The following UPRT variants were observed in gnomAD, a reference collection of about 807,000 sequenced individuals.
The protein encoded by UPRT is RP11-311P8.3.
Under a neutral mutation model 22.6 loss-of-function variants are expected in UPRT, and 5 were observed. That is an observed-to-expected ratio of 0.22 (90% CI 0.12 to 0.47). UPRT has a LOEUF of 0.47. Ranked by LOEUF, UPRT falls within the 20% of genes least tolerant of loss-of-function variation. UPRT has a pLI of 0.99. For synonymous variants in UPRT, 77 were observed against 87.7 expected (o/e 0.88, Z 0.68); for missense variants, 181 against 239.9 (o/e 0.75, Z 1.62).
chrX:75,160,973 AC>A (rs1285209200), intron 2 of UPRT, among the ~76,000 whole-genome samples: 1 of 112,846 alleles, frequency 8.9e-6, no homozygotes, highest in East Asian at 2.8e-4. Context: ...TAAAGAAGAA[AC>A]AAACATATAT....
intron 4 of UPRT, among the ~76,000 whole-genome samples, chrX:75,180,681 GTTT>G (rs59522302): frequency 2.3e-5 from 1 of 43,905 alleles, no homozygotes; most frequent in Non-Finnish European, 3.8e-5. Context: ...CCTTTTCTCT[GTTT>G]TTTTTTTTTT....
intron 4 of UPRT, among the ~76,000 whole-genome samples, chrX:75,252,223 C>G (rs755448281): frequency 9.0e-6 from 1 of 111,711 alleles, no homozygotes; most frequent in Non-Finnish European, 1.9e-5. Context: ...GGATCTAATT[C>G]AACTAAAGAG....
intron 3 of UPRT, among the ~76,000 whole-genome samples, chrX:75,166,226 A>T (rs1379087684): frequency 8.9e-6 from 1 of 111,755 alleles, no homozygotes; most frequent in Admixed American, 9.5e-5. Flanking sequence ...TGATTTTTAA[A>T]CCCTGTTTTT....
At chrX:75,194,160 G>T (rs980569102) in intron 4 of UPRT, among the ~76,000 whole-genome samples, 3 of 111,516 alleles carry the variant, frequency 2.7e-5, no homozygotes, top group African/African-American at 9.8e-5. Context: ...TGATGTCCTT[G>T]GGAGTTTGGT....
chrX:75,158,572 C>A (rs1332780849), intron 1 of UPRT, among the ~76,000 whole-genome samples: 1 of 111,148 alleles, frequency 9.0e-6, no homozygotes, highest in East Asian at 2.8e-4. Context: ...GGATGGAGAC[C>A]AAACCTAGGT....
chrX:75,218,208 C>A (rs1321867342), intron 4 of UPRT, among the ~76,000 whole-genome samples: 2 of 110,518 alleles, frequency 1.8e-5, no homozygotes, highest in Non-Finnish European at 1.9e-5. Flanking sequence ...ACAAACAACC[C>A]CATCAAAAAG....
At chrX:75,248,608 G>A (rs928101912) in intron 4 of UPRT, among the ~76,000 whole-genome samples, 1 of 112,042 alleles carries the variant, frequency 8.9e-6, no homozygotes, top group Non-Finnish European at 1.9e-5. Flanking sequence ...GTGACGGGGA[G>A]AATGGAACCA....
intron 1 of UPRT, among the ~76,000 whole-genome samples, chrX:75,156,899 T>TCACACA (rs753344635): frequency 0.054 from 5,391 of 99,441 alleles, 138 homozygotes; most frequent in Middle Eastern, 0.09. Flanking sequence ...TGGGACAGTC[T>TCACACA]CACACACACA....
intron 4 of UPRT, among the ~76,000 whole-genome samples, chrX:75,200,726 C>T (rs1297035098): frequency 9.0e-6 from 1 of 110,927 alleles, no homozygotes; most frequent in African/African-American, 3.3e-5. Context: ...CTGAGGCGGG[C>T]GGATTGCCAG....
chrX:75,185,807 G>C (rs767978325), intron 4 of UPRT, among the ~76,000 whole-genome samples: 2 of 111,490 alleles, frequency 1.8e-5, no homozygotes, highest in Non-Finnish European at 3.8e-5. Flanking sequence ...GTTTATTTGC[G>C]TAGCGGTGTT....
chrX:75,180,899 C>T (rs1475973827), intron 4 of UPRT, among the ~76,000 whole-genome samples: 1 of 109,423 alleles, frequency 9.1e-6, no homozygotes, highest in Admixed American at 9.8e-5. Context: ...GCTTTTGTCA[C>T]AATTGCCTTT....
intron 4 of UPRT, among the ~76,000 whole-genome samples, chrX:75,204,996 C>A (rs1408392866): frequency 9.0e-6 from 1 of 110,765 alleles, no homozygotes; most frequent in African/African-American, 3.3e-5. Flanking sequence ...AGCCATAGAT[C>A]CTGGATTAAT....
intron 4 of UPRT, among the ~76,000 whole-genome samples, chrX:75,192,723 C>G (rs1285020020): frequency 8.9e-6 from 1 of 111,771 alleles, no homozygotes. Flanking sequence ...AATACCCTTC[C>G]TTGTCTTTTT....
At chrX:75,206,595 C>T (rs1006835846) in intron 4 of UPRT, among the ~76,000 whole-genome samples, 17 of 110,951 alleles carry the variant, frequency 1.5e-4, no homozygotes, top group Non-Finnish European at 2.8e-4. Flanking sequence ...CTTCCTGAAC[C>T]GTGCCAGCCT....
At chrX:75,232,228 C>T (rs776016584) in intron 4 of UPRT, among the ~76,000 whole-genome samples, 6 of 112,496 alleles carry the variant, frequency 5.3e-5, no homozygotes, top group South Asian at 7.4e-4. Context: ...TGCGCTTTTC[C>T]GATGGGCTTA....
At chrX:75,198,325 T>A (rs1228666332) in intron 4 of UPRT, among the ~76,000 whole-genome samples, 1 of 112,657 alleles carries the variant, frequency 8.9e-6, no homozygotes, top group Non-Finnish European at 1.9e-5. Context: ...TCTGGGGATA[T>A]GAAAATGTCA....
intron 1 of UPRT, among the ~76,000 whole-genome samples, chrX:75,277,917 A>T (rs985854105): frequency 9.0e-6 from 1 of 111,370 alleles, no homozygotes; most frequent in African/African-American, 3.3e-5. Context: ...AAAAATTGTC[A>T]TCCTCTCTCA....
intron 2 of UPRT, among the ~76,000 whole-genome samples, chrX:75,162,483 A>C (rs2147599661): frequency 9.1e-6 from 1 of 109,483 alleles, no homozygotes. Flanking sequence ...CAGTTTCAAG[A>C]TATTCTAAAA....
intron 4 of UPRT, among the ~76,000 whole-genome samples, chrX:75,180,695 G>GTTTTTTTTTTTTTTT (rs61040746): frequency 8.7e-5 from 3 of 34,658 alleles, no homozygotes; most frequent in African/African-American, 2.6e-4. Context: ...TTTTTTTTTT[G>GTTTTTTTTTTTTTTT]TTTTTTTTTT....
Sources: allele counts gnomAD v4.1 joint callset (sites outside exome capture counted in the v4.1 genomes callset), GRCh38; gene constraint gnomAD v4.1.1; transcripts MANE v1.5; gene names NCBI Gene and HGNC (gene_info 2026-07-23, HGNC 2026-07-21).